SEMA3A: variants seen among roughly 807,000 people sequenced by gnomAD.
SEMA3A encodes the protein semaphorin 3A, also known as semaphorin-3A.
In SEMA3A, 29 loss-of-function variants were observed where a neutral mutation model predicts 97.9. The observed-to-expected ratio is 0.30, with a 90% CI of 0.22 to 0.40. SEMA3A has a LOEUF of 0.40. SEMA3A is among the 10% of genes least tolerant of loss of function. The pLI is 1.00. For missense variants in SEMA3A, 763 were observed against 951.3 expected, an observed-to-expected ratio of 0.80 and a Z score of 2.60; for synonymous variants, 321 against 323.7, an observed-to-expected ratio of 0.99 and a Z score of 0.09.
At chr7:84,426,485 G>A (rs771971584) in intron 1 of SEMA3A, among the ~76,000 whole-genome samples, 1 of 152,052 alleles carries the variant, frequency 6.6e-6, no homozygotes, top group Non-Finnish European at 1.5e-5. Flanking sequence ...CACAAATTAT[G>A]TAGTGATAAG....
intron 15 of SEMA3A, among the ~76,000 whole-genome samples, chr7:83,971,983 G>A (rs1358536864): frequency 5.1e-5 from 4 of 79,186 alleles, no homozygotes; most frequent in African/African-American, 1.4e-4. Flanking sequence ...AAATTGGCTA[G>A]TCTGTGTGTG....
chr7:84,317,367 C>T (rs553275350), intron 2 of SEMA3A, among the ~76,000 whole-genome samples: 1 of 152,098 alleles, frequency 6.6e-6, no homozygotes, highest in African/African-American at 2.4e-5. Context: ...ACACATGATG[C>T]TATGTATCAG....
intron 1 of SEMA3A, among the ~76,000 whole-genome samples, chr7:84,476,519 C>G (rs911276843): frequency 2.0e-5 from 3 of 151,910 alleles, no homozygotes; most frequent in Non-Finnish European, 4.4e-5. Flanking sequence ...TTAATTGAAA[C>G]AACATCCAAC....
chr7:84,085,412 A>G (rs968783348), intron 4 of SEMA3A, among the ~76,000 whole-genome samples: 3 of 151,996 alleles, frequency 2.0e-5, no homozygotes, highest in Admixed American at 6.6e-5. Context: ...GAAAAAAAAA[A>G]GTAAACTAGT....
intron 6 of SEMA3A, among the ~76,000 whole-genome samples, chr7:84,023,898 G>A (rs1791432167): frequency 6.6e-6 from 1 of 151,844 alleles, no homozygotes; most frequent in African/African-American, 2.4e-5. Context: ...TGTAGTCCCA[G>A]CTACTCGGGA....
At chr7:84,228,579 ATC>A (rs1300033717) in intron 3 of SEMA3A, among the ~76,000 whole-genome samples, 1 of 152,122 alleles carries the variant, frequency 6.6e-6, no homozygotes, top group Non-Finnish European at 1.5e-5. Flanking sequence ...ATAAAAATTT[ATC>A]TGTCAATTTA....
chr7:83,963,245 T>A lies in SEMA3A; in HGVS notation c.1820A>T (p.Tyr607Phe), dbSNP rs1022905802. ...TTCATTTCGCCTCTGGAATTGCCAA[T>A]AGACCAGCGCTCTCTGCGACTTCGG... ...CSPKSQRALVYWQFQRRNEER... is the reference protein window; with the variant it reads ...CSPKSQRALVFWQFQRRNEER... The change falls in exon 16 of 17, where the codon TAT becomes TTT. Residue 607 changes from tyrosine to phenylalanine, a missense_variant. Physicochemically the swap from Tyr to Phe is conservative, Grantham distance 22 (BLOSUM62 3). Around this residue, in one of 2 missense-constraint regions of SEMA3A, gnomAD observed 678 missense variants for 881.3 expected, o/e 0.77. Coordinates refer to ENST00000265362, the MANE Select transcript of SEMA3A (RefSeq NM_006080.3). 6.2e-6 allele frequency: 10 copies of A among 1,613,546 alleles called. No homozygotes were observed. The Admixed American group carries it at 8.3e-5, about 13-fold the overall frequency.
chr7:84,414,978 T>A (rs1262845228), intron 1 of SEMA3A, among the ~76,000 whole-genome samples: 1 of 151,930 alleles, frequency 6.6e-6, no homozygotes, highest in African/African-American at 2.4e-5. Context: ...AATAAATACA[T>A]CTAAAATATT....
intron 2 of SEMA3A, among the ~76,000 whole-genome samples, chr7:84,357,098 ATTTCTT>A (rs1260321049): frequency 7.4e-6 from 1 of 134,770 alleles, no homozygotes; most frequent in Non-Finnish European, 1.6e-5. Flanking sequence ...TGATAAACTA[ATTTCTT>A]TTTTTTTCTA....
At chr7:84,325,629 G>T (rs1486150608) in intron 2 of SEMA3A, among the ~76,000 whole-genome samples, 1 of 151,952 alleles carries the variant, frequency 6.6e-6, no homozygotes, top group Non-Finnish European at 1.5e-5. Context: ...GACCATCAAG[G>T]AATAGGCAGG....
intron 1 of SEMA3A, among the ~76,000 whole-genome samples, chr7:84,463,318 G>A (rs1485896635): frequency 5.2e-5 from 7 of 135,358 alleles, no homozygotes; most frequent in Admixed American, 8.1e-5. Context: ...GCGCAATCTC[G>A]GCTCACTGCA....
chr7:84,122,006 G>T (rs887402376), intron 3 of SEMA3A, among the ~76,000 whole-genome samples: 2 of 147,586 alleles, frequency 1.4e-5, no homozygotes, highest in African/African-American at 2.5e-5. Context: ...CTTTATAGCA[G>T]CATGATTTAT....
At chr7:84,167,663 A>C (rs941809883) in intron 1 of SEMA3A, among the ~76,000 whole-genome samples, 2 of 152,196 alleles carry the variant, frequency 1.3e-5, no homozygotes, top group Non-Finnish European at 1.5e-5. Flanking sequence ...AAAATAAGAC[A>C]AAGGGAAATG....
intron 2 of SEMA3A, among the ~76,000 whole-genome samples, chr7:84,321,873 A>G (rs1212670435): frequency 3.4e-4 from 29 of 85,194 alleles, no homozygotes; most frequent in African/African-American, 1.6e-3. Context: ...GAGACTACGG[A>G]AAAAAAAAAA....
At chr7:84,241,767 C>T (rs560408807) in intron 3 of SEMA3A, among the ~76,000 whole-genome samples, 18 of 152,146 alleles carry the variant, frequency 1.2e-4, no homozygotes, top group African/African-American at 2.2e-4. Flanking sequence ...TCAGGTCTTA[C>T]GTTTTAGTCT....
rs1368587298 is a variant in SEMA3A at position 84,483,675 on chromosome 7, T to C, written c.-246+8785A>G. Among the ~76,000 whole-genome samples the C allele has an allele frequency of 2.0e-5, 3 of 152,204 alleles. No individual in the cohort carries two copies. The East Asian group carries it at 5.8e-4, about 29-fold the overall frequency. On this transcript the variant is annotated intron_variant, in intron 1 of 3. Coordinates refer to the SEMA3A transcript ENST00000424555. ...TAGTGTCAGATGCAGCCAATGGTAG[T>C]CTTTTGAGTCTAGTTGTTAAGGAAA...
chr7:84,360,298 A>C (rs1802683934), intron 2 of SEMA3A, among the ~76,000 whole-genome samples: 1 of 151,944 alleles, frequency 6.6e-6, no homozygotes, highest in Non-Finnish European at 1.5e-5. Context: ...TTCCCTCTAC[A>C]TACACACTGC....
At chr7:84,484,574 G>A (rs967807848) in intron 1 of SEMA3A, among the ~76,000 whole-genome samples, 1 of 151,368 alleles carries the variant, frequency 6.6e-6, no homozygotes, top group East Asian at 2.0e-4. Context: ...CACACACAGA[G>A]AGCAAGTTTT....
intron 1 of SEMA3A, among the ~76,000 whole-genome samples, chr7:84,142,551 C>T (rs1584029320): frequency 6.6e-6 from 1 of 152,162 alleles, no homozygotes. Context: ...GTAAACACTT[C>T]TAAGGAGGGT....
Sources: allele counts gnomAD v4.1 joint callset (sites outside exome capture counted in the v4.1 genomes callset), GRCh38; gene constraint gnomAD v4.1.1; regional missense constraint gnomAD v4.1.1; transcripts MANE v1.5; gene names NCBI Gene and HGNC (gene_info 2026-07-23, HGNC 2026-07-21).